Variants in KCNIP4 observed in about 807,000 individuals in gnomAD.
The protein encoded by KCNIP4 is potassium voltage-gated channel interacting protein 4.
In KCNIP4, 12 loss-of-function variants were observed where a neutral mutation model predicts 34.0. The observed-to-expected ratio is 0.35, with a 90% CI of 0.23 to 0.57. KCNIP4 has a LOEUF of 0.57. KCNIP4 is among the 20% of genes least tolerant of loss of function. The probability of loss-of-function intolerance (pLI) is 0.83; values close to 1 mark genes in which losing one functional copy is unlikely to be tolerated. For missense variants in KCNIP4, 238 were observed against 311.7 expected (o/e 0.76, Z 1.78); for synonymous variants, 124 against 102.2 (o/e 1.21, Z -1.29).
intron 2 of KCNIP4, among the ~76,000 whole-genome samples, chr4:20,852,803 A>G (rs1292838566): frequency 2.0e-5 from 3 of 152,200 alleles, no homozygotes; most frequent in Non-Finnish European, 4.4e-5. Context: ...TTAATGTACA[A>G]AAATCAGTAG....
chr4:21,614,257 A>G (rs1744412211), intron 1 of KCNIP4, among the ~76,000 whole-genome samples: 1 of 151,988 alleles, frequency 6.6e-6, no homozygotes, highest in Non-Finnish European at 1.5e-5. Context: ...CATGCAGACA[A>G]CACGCTCTTG....
At chr4:21,315,732 C>T (rs16870790) in intron 1 of KCNIP4, among the ~76,000 whole-genome samples, 5,541 of 152,254 alleles carry the variant, frequency 0.036, 208 homozygotes, top group South Asian at 0.13. Flanking sequence ...TTTATGGCAT[C>T]CACTCAACAC....
chr4:20,825,633 A>T (rs937186083), intron 3 of KCNIP4, among the ~76,000 whole-genome samples: 2 of 152,230 alleles, frequency 1.3e-5, no homozygotes, highest in Non-Finnish European at 2.9e-5. Context: ...CTAGGCAGGC[A>T]TGACCAGCAG....
intron 1 of KCNIP4, among the ~76,000 whole-genome samples, chr4:21,712,405 C>T (rs566709691): frequency 1.3e-5 from 2 of 152,220 alleles, no homozygotes; most frequent in South Asian, 2.1e-4. Context: ...GGATGGGGGG[C>T]GAGGAACCTC....
chr4:21,268,959 G>A (rs980527269), intron 1 of KCNIP4, among the ~76,000 whole-genome samples: 3 of 152,322 alleles, frequency 2.0e-5, no homozygotes, highest in Middle Eastern at 3.4e-3. Context: ...AGTACAGGTA[G>A]ATCTTGTCTT....
chr4:21,494,997 C>T (rs934296031), intron 1 of KCNIP4, among the ~76,000 whole-genome samples: 4 of 151,918 alleles, frequency 2.6e-5, no homozygotes, highest in African/African-American at 4.8e-5. Flanking sequence ...AAAAAGATAA[C>T]CAAAGAAATA....
chr4:21,529,956 T>C (rs1736535149), intron 1 of KCNIP4, among the ~76,000 whole-genome samples: 1 of 152,180 alleles, frequency 6.6e-6, no homozygotes, highest in Admixed American at 6.5e-5. Flanking sequence ...CTGAAGACTT[T>C]TCATTCTGTC....
At chr4:20,867,983 C>A (rs184032517) in intron 2 of KCNIP4, among the ~76,000 whole-genome samples, 94 of 151,200 alleles carry the variant, frequency 6.2e-4, no homozygotes, top group Non-Finnish European at 9.3e-4. Flanking sequence ...CAAACCTGCA[C>A]ATTGTGCACA....
chr4:20,943,663 C>T (rs2149624357), intron 1 of KCNIP4, among the ~76,000 whole-genome samples: 1 of 152,240 alleles, frequency 6.6e-6, no homozygotes, highest in South Asian at 2.1e-4. Flanking sequence ...AATTAATAAA[C>T]TGCCAAGCTG....
At chr4:20,891,840 A>G (rs1288640257) in intron 1 of KCNIP4, among the ~76,000 whole-genome samples, 1 of 152,174 alleles carries the variant, frequency 6.6e-6, no homozygotes, top group Non-Finnish European at 1.5e-5. Flanking sequence ...TTTTGCCCCA[A>G]CCTAATACTA....
At chr4:20,806,544 T>A (rs951784147) in intron 3 of KCNIP4, among the ~76,000 whole-genome samples, 1 of 152,002 alleles carries the variant, frequency 6.6e-6, no homozygotes, top group African/African-American at 2.4e-5. Flanking sequence ...ATTATATAGA[T>A]CCTGTTCTTC....
intron 1 of KCNIP4, among the ~76,000 whole-genome samples, chr4:21,902,963 A>G (rs1727791904): frequency 6.6e-6 from 1 of 152,130 alleles, no homozygotes. Context: ...CCTAGGTAGC[A>G]GGAATTGGAG....
chr4:21,468,145 C>A (rs1730152712), intron 1 of KCNIP4, among the ~76,000 whole-genome samples: 1 of 151,962 alleles, frequency 6.6e-6, no homozygotes, highest in Non-Finnish European at 1.5e-5. Context: ...TCAAGAAAAC[C>A]TATTCCCAGA....
chr4:21,512,309 C>A (rs944290779), intron 1 of KCNIP4, among the ~76,000 whole-genome samples: 1 of 152,016 alleles, frequency 6.6e-6, no homozygotes, highest in Non-Finnish European at 1.5e-5. Context: ...AGTTCATTAC[C>A]CAAGCAGTCA....
Position 21,061,233 on chromosome 4 carries a change from A to G in KCNIP4, c.62-178524T>C, listed in dbSNP as rs1469142699. On this transcript the variant is annotated intron_variant, in intron 1 of 8. Transcript: ENST00000382152. ...TATTAACACATGCCCATCTGAAAATATATTCGGAGCTTTAAATATATACTA... is the reference window on the plus strand; with the variant it reads ...TATTAACACATGCCCATCTGAAAATGTATTCGGAGCTTTAAATATATACTA... Among the ~76,000 whole-genome samples the G allele has an allele frequency of 3.3e-5, 5 of 152,260 alleles. No individual in the cohort carries two copies. In the South Asian group the frequency reaches 6.2e-4, roughly 19 times the overall value.
chr4:20,926,706 G>T (rs1314086079), intron 1 of KCNIP4, among the ~76,000 whole-genome samples: 1 of 152,150 alleles, frequency 6.6e-6, no homozygotes, highest in Non-Finnish European at 1.5e-5. Context: ...TGGGGCACTG[G>T]AGCTTTTTAC....
chr4:21,425,851 ACCAGCCTAGGTAATATAGCAGGAC>A (rs1298892497), intron 1 of KCNIP4, among the ~76,000 whole-genome samples: 1 of 152,010 alleles, frequency 6.6e-6, no homozygotes, highest in Non-Finnish European at 1.5e-5. Context: ...GGATATTGAT[ACCAGCCTAGGTAATATAGCAGGAC>A]CCCATCTCTA....
At chr4:21,029,515 G>A (rs1740827985) in intron 1 of KCNIP4, among the ~76,000 whole-genome samples, 1 of 152,232 alleles carries the variant, frequency 6.6e-6, no homozygotes, top group African/African-American at 2.4e-5. Flanking sequence ...ACTGGATATG[G>A]ATAAAAATGC....
chr4:21,186,035 A>C (rs1266195997), intron 1 of KCNIP4, among the ~76,000 whole-genome samples: 3 of 152,186 alleles, frequency 2.0e-5, no homozygotes, highest in Non-Finnish European at 4.4e-5. Context: ...TTAATCTGAA[A>C]CATAAATAAC....
Sources: allele counts gnomAD v4.1 joint callset (sites outside exome capture counted in the v4.1 genomes callset), GRCh38; gene constraint gnomAD v4.1.1; transcripts MANE v1.5; gene names NCBI Gene and HGNC (gene_info 2026-07-23, HGNC 2026-07-21).